DST: variants seen among roughly 807,000 people sequenced by gnomAD.
DST encodes the protein dystonin.
Under a neutral mutation model 875.2 loss-of-function variants are expected in DST, and 253 were observed. The ratio of observed to expected loss-of-function variants is 0.29; its 90% CI spans 0.26 to 0.32. The LOEUF (loss-of-function observed/expected upper bound fraction) is 0.32, where lower values mean the gene tolerates loss of function less well. Ranked by LOEUF, DST falls within the 10% of genes least tolerant of loss-of-function variation. The pLI is 1.00. For synonymous variants in DST, 3,124 were observed against 3,197.1 expected, an observed-to-expected ratio of 0.98 and a Z score of 0.77; for missense variants, 8,287 against 9,111.6, an observed-to-expected ratio of 0.91 and a Z score of 3.68.
chr6:56,558,721 C>T (rs116012898), intron 58 of DST, among the ~76,000 whole-genome samples: 13 of 152,238 alleles, frequency 8.5e-5, no homozygotes, highest in African/African-American at 2.9e-4. Context: ...AAGACCATTG[C>T]CTGACATTCA....
chr6:56,621,676 T>C (rs116692508), intron 36 of DST, among the ~76,000 whole-genome samples: 1,872 of 152,334 alleles, frequency 0.012, 31 homozygotes, highest in African/African-American at 0.043. Flanking sequence ...TTTACATTGA[T>C]TATAGAACTA....
intron 10 of DST, among the ~76,000 whole-genome samples, chr6:56,663,057 G>T (rs758077561): frequency 5.3e-5 from 8 of 152,102 alleles, no homozygotes; most frequent in African/African-American, 1.9e-4. Flanking sequence ...AGGCAAGAAG[G>T]CCAGGAACAT....
chr6:56,664,244 A>G (rs1054214360), intron 10 of DST, among the ~76,000 whole-genome samples: 10 of 152,182 alleles, frequency 6.6e-5, no homozygotes, highest in Admixed American at 3.3e-4. Context: ...GAGCAATGTT[A>G]GGCACTGCTG....
At position 56,605,629 on chromosome 6, in the gene DST, G is replaced by C; in HGVS notation, c.8999C>G (p.Thr3000Ser). The C allele has an allele frequency of 6.2e-7, 1 of 1,612,956 alleles. No homozygotes were observed. The highest frequency in any genetic ancestry group is 1.1e-5 in the South Asian group (1 of 91,068). The part of the protein sequence containing the change: ...VDSSLDHIIC[T>S]EPDLIGKPAE... Reference sequence around the variant, plus strand: ...AGGTTTTCCTATTAAATCAGGCTCAGTACAAATGATGTGATCAAGAGATGA... The same window carrying C: ...AGGTTTTCCTATTAAATCAGGCTCACTACAAATGATGTGATCAAGAGATGA... The change falls in exon 40 of 104, where the codon ACT becomes AGT. Residue 3000 changes from threonine (T) to serine (S), a missense_variant. Thr to Ser is a moderately conservative substitution (Grantham distance 58). Around this residue, in one of 10 missense-constraint regions of DST, gnomAD observed 3,138 missense variants for 3,116.6 expected, o/e 1.01. Coordinates refer to ENST00000680361, the MANE Select transcript of DST (RefSeq NM_001374736.1).
intron 4 of DST, among the ~76,000 whole-genome samples, chr6:56,796,601 T>C (rs2099740163): frequency 6.6e-6 from 1 of 152,184 alleles, no homozygotes; most frequent in Admixed American, 6.5e-5. Context: ...GTCTCTAGGA[T>C]GCAGGCAATG....
intron 2 of DST, among the ~76,000 whole-genome samples, chr6:56,951,203 C>A (rs1246592433): frequency 6.6e-6 from 1 of 152,238 alleles, no homozygotes; most frequent in Non-Finnish European, 1.5e-5. Context: ...TTCATCTGTA[C>A]AAGGGCTAGC....
chr6:56,758,665 T>C (rs2099609975), intron 4 of DST, among the ~76,000 whole-genome samples: 1 of 152,186 alleles, frequency 6.6e-6, no homozygotes, highest in South Asian at 2.1e-4. Flanking sequence ...TGGTGGCTGA[T>C]GTTAACTATT....
chr6:56,537,211 CAT>C (rs1031685584), intron 61 of DST, among the ~76,000 whole-genome samples: 5 of 152,198 alleles, frequency 3.3e-5, no homozygotes, highest in African/African-American at 1.2e-4. Flanking sequence ...GAAGACAGTA[CAT>C]GTCTCCTCTC....
At chr6:56,706,874 G>A (rs116417722) in intron 5 of DST, among the ~76,000 whole-genome samples, 4,301 of 152,118 alleles carry the variant, frequency 0.028, 202 homozygotes, top group African/African-American at 0.098. Flanking sequence ...GCAATGTGGC[G>A]TATGCCTGTA....
rs573755047 is a variant in DST, at chr6:56,598,716, A to T, written c.11695-7T>A. Reference sequence around the variant, plus strand: ...GCATATCTTTCTGTAATTCCTTATAACACAAAAGGAAAAAATATATTTTAT... The same window carrying T: ...GCATATCTTTCTGTAATTCCTTATATCACAAAAGGAAAAAATATATTTTAT... On this transcript the variant is annotated splice_polypyrimidine_tract_variant and splice_region_variant and intron_variant, in intron 45 of 103. Transcript: ENST00000680361. The T allele has an allele frequency of 1.1e-5, 16 of 1,485,280 alleles. 1 individual carries two copies. In the South Asian group the frequency reaches 1.3e-4, roughly 12 times the overall value. 92.0% of individuals were successfully genotyped at this position (1,485,280 alleles called of 1,614,324 possible). A position where few individuals can be genotyped will look rare whatever the true frequency, so the allele number is the denominator to read the frequency against.
chr6:56,862,824 G>C (rs1011853152), intron 3 of DST, among the ~76,000 whole-genome samples: 2 of 152,142 alleles, frequency 1.3e-5, no homozygotes, highest in African/African-American at 4.8e-5. Flanking sequence ...GCTAGGGTAA[G>C]AAGTGAAACT....
chr6:56,711,466 A>G (rs1196647382), intron 5 of DST, among the ~76,000 whole-genome samples: 1 of 152,100 alleles, frequency 6.6e-6, no homozygotes. Context: ...TATCAAGAAA[A>G]CAGATAAAAA....
chr6:56,569,790 C>G (rs1485958199), intron 54 of DST, 66 bp downstream of exon 54: 5 of 1,403,650 alleles, frequency 3.6e-6, no homozygotes, highest in Non-Finnish European at 5.0e-6. Context: ...AGAAAACTAC[C>G]ATTAGTCTTT....
chr6:56,943,851 T>C (rs1370169012), intron 2 of DST, among the ~76,000 whole-genome samples: 1 of 151,948 alleles, frequency 6.6e-6, no homozygotes, highest in African/African-American at 2.4e-5. Flanking sequence ...GCAGAGTGGC[T>C]CACGCATGTA....
chr6:56,592,607 G>C (rs941733946), intron 48 of DST, among the ~76,000 whole-genome samples: 3 of 152,160 alleles, frequency 2.0e-5, no homozygotes, highest in African/African-American at 7.2e-5. Context: ...ATTTACAAGA[G>C]CTGAGTCTTA....
chr6:56,548,557 T>A (rs888813904), intron 61 of DST, among the ~76,000 whole-genome samples: 1 of 152,232 alleles, frequency 6.6e-6, no homozygotes, highest in African/African-American at 2.4e-5. Context: ...TAATGTGGTT[T>A]AGATTTGAAG....
chr6:56,643,073 C>T lies in DST; in HGVS notation c.1779-570G>A, dbSNP rs1198888011. 8.0e-6 allele frequency: 4 copies of T among 498,864 alleles called. No individual in the cohort carries two copies. The Admixed American group carries it at 1.1e-4, about 14-fold the overall frequency. The allele number at this position is 498,864 out of a possible 1,614,324, so 30.9% of individuals were successfully genotyped here. On this transcript the variant is annotated intron_variant, in intron 15 of 103. Coordinates refer to ENST00000680361, the MANE Select transcript of DST (RefSeq NM_001374736.1). ...GTATGAACAAAGCAGGCAGATTGGG[C>T]GTCACTGGAAAGGATATGCCAAATA...
intron 4 of DST, among the ~76,000 whole-genome samples, chr6:56,814,270 T>A (rs1173977721): frequency 6.7e-6 from 1 of 149,858 alleles, no homozygotes; most frequent in South Asian, 2.1e-4. Context: ...TTTCACTTTG[T>A]TAAGTTTTAC....
At position 56,494,027 on chromosome 6, in the gene DST, T is replaced by G. The variant is rs771215897; in HGVS notation, c.20377A>C (p.Lys6793Gln). The G allele has an allele frequency of 1.9e-6, 3 of 1,595,190 alleles. 1 individual carries two copies. Among genetic ancestry groups the G allele is most frequent in the Middle Eastern group, 1.7e-4 (1 of 5,976 alleles). The stretch of plus-strand genomic sequence containing the variant: ...GCACATACTTTCCTTTCATTGAGTT[T>G]GGTTTCCACCGATTCCCATTTTTCT... The part of the protein sequence containing the change: ...LKEKWESVET[K>Q]LNERKTKLEE... Residue 6793 changes from lysine (K) to glutamine (Q), a missense_variant, in exon 83 of 104, where the codon AAA (lysine) becomes CAA (glutamine). Lys to Gln is a moderately conservative substitution (Grantham distance 53, BLOSUM62 1). Coordinates refer to ENST00000680361, the MANE Select transcript of DST (RefSeq NM_001374736.1).
Sources: gnomAD v4.1 joint callset for allele counts (sites outside exome capture counted in the v4.1 genomes callset) on GRCh38, gnomAD v4.1.1 for gene constraint, gnomAD v4.1.1 regional missense constraint, MANE v1.5 for transcripts, NCBI Gene and HGNC (gene_info 2026-07-23, HGNC 2026-07-21) for gene names.